The following ABL1 variants were observed in gnomAD, a reference collection of about 807,000 sequenced individuals.
The protein encoded by ABL1 is ABL proto-oncogene 1, non-receptor tyrosine kinase, also known as tyrosine-protein kinase ABL1.
Under a neutral mutation model 94.7 loss-of-function variants are expected in ABL1, and 11 were observed. That is an observed-to-expected ratio of 0.12 (90% CI 0.07 to 0.19). The LOEUF (loss-of-function observed/expected upper bound fraction) is 0.19. ABL1 is among the 10% of genes least tolerant of loss of function. The probability of loss-of-function intolerance (pLI) is 1.00; values close to 1 mark genes in which losing one functional copy is unlikely to be tolerated. For missense variants in ABL1, 1,082 were observed against 1,489.4 expected, an observed-to-expected ratio of 0.73 and a Z score of 4.50; for synonymous variants, 656 against 622.4, an observed-to-expected ratio of 1.05 and a Z score of -0.80.
intron 1 of ABL1, among the ~76,000 whole-genome samples, chr9:130,819,962 G>A (rs1830338532): frequency 6.6e-6 from 1 of 151,530 alleles, no homozygotes; most frequent in South Asian, 2.1e-4. Flanking sequence ...TTTGGTCATT[G>A]GTGGGCTCTC....
intron 7 of ABL1, among the ~76,000 whole-genome samples, chr9:130,877,154 G>A (rs1236460580): frequency 2.7e-5 from 4 of 147,734 alleles, no homozygotes; most frequent in Non-Finnish European, 6.0e-5. Context: ...TCTCGTCTTT[G>A]GCCAGTGGGA....
At position 130,782,051 on chromosome 9, in the gene ABL1, ATTTTCT is replaced by A. The variant is rs573909679; in HGVS notation, c.136+67613_136+67618del. The stretch of plus-strand genomic sequence containing the variant: ...CTTATTGTGGAGCACAGTGAGTGAT[ATTTTCT>A]TTTTCTTTTTCTTTTTTTTTTGAGA... On this transcript the variant is annotated intron_variant, in intron 1 of 10. Transcript: ENST00000372348. 4.7e-3 allele frequency among the ~76,000 whole-genome samples: 683 copies of A among 146,616 alleles called. 7 individuals are homozygous for A. The highest frequency in any genetic ancestry group is 0.017 in the African/African-American group (667 of 39,288).
Position 130,880,741 on chromosome 9 carries a change from A to G in ABL1, c.1678+77A>G. ...GCTACATTCAGGCCATCATAGGCCA[A>G]CGGGAAGCTGTGAATGGAGCCCGCA... On this transcript the variant is annotated intron_variant, in intron 10 of 10. Coordinates refer to ENST00000318560, the MANE Select transcript of ABL1 (RefSeq NM_005157.6). The surrounding 1 kb of genome is among the most constrained non-coding windows in gnomAD (Gnocchi z 4.4). The G allele has an allele frequency of 2.0e-6, 3 of 1,532,734 alleles. No homozygotes were observed. Among genetic ancestry groups the G allele is most frequent in the East Asian group, 2.3e-5 (1 of 43,346 alleles). The allele number at this position is 1,532,734 out of a possible 1,614,324, so 94.9% of individuals were successfully genotyped here.
intron 1 of ABL1, among the ~76,000 whole-genome samples, chr9:130,826,239 G>A (rs1167426800): frequency 1.3e-5 from 2 of 151,836 alleles, no homozygotes; most frequent in Non-Finnish European, 2.9e-5. Flanking sequence ...TCCTGTCTGA[G>A]CCTCCTGAGT....
At chr9:130,751,232 C>T (rs1338448855) in intron 1 of ABL1, among the ~76,000 whole-genome samples, 4 of 142,240 alleles carry the variant, frequency 2.8e-5, no homozygotes, top group Non-Finnish European at 6.0e-5. Flanking sequence ...ACCTCTGCCT[C>T]CCCGGTTCAA....
chr9:130,841,780 C>T (rs1171370194), intron 1 of ABL1, among the ~76,000 whole-genome samples: 3 of 152,014 alleles, frequency 2.0e-5, no homozygotes, highest in African/African-American at 7.3e-5. Context: ...CCATTGTACT[C>T]CAGCCTGGGC....
intron 1 of ABL1, among the ~76,000 whole-genome samples, chr9:130,818,027 A>G (rs944663686): frequency 6.6e-6 from 1 of 152,232 alleles, no homozygotes; most frequent in African/African-American, 2.4e-5. Context: ...ACAGTATTTT[A>G]CAAAGTAAGG....
intron 1 of ABL1, among the ~76,000 whole-genome samples, chr9:130,721,682 T>C (rs1320387050): frequency 1.3e-5 from 2 of 152,062 alleles, no homozygotes; most frequent in Non-Finnish European, 2.9e-5. Context: ...TGCACTCCAA[T>C]CTGGGTGACA....
At chr9:130,813,309 C>G (rs1363735695) in intron 1 of ABL1, among the ~76,000 whole-genome samples, 2 of 150,796 alleles carry the variant, frequency 1.3e-5, no homozygotes, top group African/African-American at 4.9e-5. Context: ...CGCCTGTAAT[C>G]CCAGCACTTT....
intron 1 of ABL1, among the ~76,000 whole-genome samples, chr9:130,729,897 G>A (rs1452851113): frequency 7.1e-6 from 1 of 141,818 alleles, no homozygotes; most frequent in Non-Finnish European, 1.6e-5. Context: ...CACCACACCA[G>A]GCTATTTTTT....
chr9:130,812,989 G>A (rs898523036), intron 1 of ABL1, among the ~76,000 whole-genome samples: 3 of 152,102 alleles, frequency 2.0e-5, no homozygotes, highest in Non-Finnish European at 4.4e-5. Flanking sequence ...CAAGGCGGGC[G>A]GATCACCTGA....
chr9:130,772,603 T>C (rs754820833), intron 1 of ABL1, among the ~76,000 whole-genome samples: 2 of 152,082 alleles, frequency 1.3e-5, no homozygotes, highest in Non-Finnish European at 2.9e-5. Context: ...GATCTGGGCA[T>C]ATGAAGAGGC....
chr9:130,823,200 A>T (rs989155897), intron 1 of ABL1, among the ~76,000 whole-genome samples: 19 of 152,336 alleles, frequency 1.2e-4, no homozygotes, highest in African/African-American at 4.1e-4. Flanking sequence ...AGTAATCATA[A>T]TAATGTTTAA....
chr9:130,784,005 C>T (rs1157962821), intron 1 of ABL1, among the ~76,000 whole-genome samples: 1 of 152,126 alleles, frequency 6.6e-6, no homozygotes, highest in Non-Finnish European at 1.5e-5. Context: ...GAAATTCAAG[C>T]AACCAAGAAA....
At chr9:130,769,224 G>C (rs1832221436) in intron 1 of ABL1, among the ~76,000 whole-genome samples, 1 of 151,762 alleles carries the variant, frequency 6.6e-6, no homozygotes, top group African/African-American at 2.4e-5. Flanking sequence ...GGTCTAACTA[G>C]AGTAGGTCGG....
At chr9:130,873,091 G>A (rs960022086) in intron 6 of ABL1, 54 bp downstream of exon 6, 17 of 1,561,476 alleles carry the variant, frequency 1.1e-5, no homozygotes, top group African/African-American at 6.8e-5. Flanking sequence ...GTGGAGCCGG[G>A]CAGCCTTTTA....
chr9:130,848,942 GA>G (rs879454644), intron 1 of ABL1, among the ~76,000 whole-genome samples: 88 of 139,868 alleles, frequency 6.3e-4, no homozygotes, highest in African/African-American at 1.3e-3. Flanking sequence ...TCCGTCTCGA[GA>G]AAAAAAAAAA....
intron 1 of ABL1, among the ~76,000 whole-genome samples, chr9:130,736,680 G>A (rs893806757): frequency 1.3e-5 from 2 of 152,028 alleles, no homozygotes; most frequent in East Asian, 1.9e-4. Flanking sequence ...TAGTAGAGAC[G>A]GGGTTTCTCC....
At chr9:130,771,778 G>T (rs1211849920) in intron 1 of ABL1, among the ~76,000 whole-genome samples, 1 of 58,340 alleles carries the variant, frequency 1.7e-5, no homozygotes, top group Non-Finnish European at 3.6e-5. Flanking sequence ...TTTTGAGACA[G>T]AGTCTTACTC....
Sources: allele counts gnomAD v4.1 joint callset (sites outside exome capture counted in the v4.1 genomes callset), GRCh38; gene constraint gnomAD v4.1.1; non-coding constraint Gnocchi (gnomAD v3.1); transcripts MANE v1.5; gene names NCBI Gene and HGNC (gene_info 2026-07-23, HGNC 2026-07-21).